SLC7A2: variants seen among roughly 807,000 people sequenced by gnomAD.
SLC7A2 encodes solute carrier family 7 member 2.
A neutral mutation model predicts 58.9 loss-of-function variants in SLC7A2; 48 were observed. The observed-to-expected ratio is 0.82, with a 90% CI of 0.65 to 1.04. The LOEUF (loss-of-function observed/expected upper bound fraction) is 1.04, where lower values mean the gene tolerates loss of function less well. Among genes scored for constraint, SLC7A2 ranks in the 50% least tolerant of loss-of-function variants. The probability of loss-of-function intolerance (pLI) is 0.00; values close to 1 mark genes in which losing one functional copy is unlikely to be tolerated. For synonymous variants in SLC7A2, 363 were observed against 314.5 expected, an observed-to-expected ratio of 1.15 and a Z score of -1.63; for missense variants, 1,029 against 818.8, an observed-to-expected ratio of 1.26 and a Z score of -3.13.
At chr8:17,514,930 A>G (rs1038742085) in intron 2 of SLC7A2, among the ~76,000 whole-genome samples, 2 of 152,214 alleles carry the variant, frequency 1.3e-5, no homozygotes, top group South Asian at 4.1e-4. Context: ...GGCCAAGTGG[A>G]TAAAACAGCG....
In SLC7A2 at chr8:17,544,680, T is replaced by C. The variant is rs75100536; in HGVS notation, c.532+74T>C. 1.7e-4 allele frequency: 231 copies of C among 1,359,006 alleles called. 1 individual carries two copies. In the East Asian group the frequency reaches 5.3e-3, roughly 31 times the overall value. The allele number at this position is 1,359,006 out of a possible 1,614,324, so 84.2% of individuals were successfully genotyped here. A position where few individuals can be genotyped will look rare whatever the true frequency, so the allele number is the denominator to read the frequency against. ...CTCAGGAAAATAGGTTACTTCTGAATTTGGGGCCTGAGTTCCCAAGATGAG... is the reference window on the plus strand; with the variant it reads ...CTCAGGAAAATAGGTTACTTCTGAACTTGGGGCCTGAGTTCCCAAGATGAG... On this transcript the variant is annotated intron_variant, in intron 4 of 12. Coordinates refer to ENST00000494857, the MANE Select transcript of SLC7A2 (RefSeq NM_001370338.1).
intron 1 of SLC7A2, among the ~76,000 whole-genome samples, chr8:17,497,757 C>A (rs1299554323): frequency 6.6e-6 from 1 of 152,220 alleles, no homozygotes; most frequent in Non-Finnish European, 1.5e-5. Context: ...AGCCCCTTCA[C>A]ATTCTGCAGG....
intron 5 of SLC7A2, among the ~76,000 whole-genome samples, chr8:17,549,292 G>C (rs1209740254): frequency 1.3e-5 from 2 of 152,206 alleles, no homozygotes; most frequent in African/African-American, 4.8e-5. Flanking sequence ...TTCTAGAGCA[G>C]TGGTTCTCAA....
intron 2 of SLC7A2, among the ~76,000 whole-genome samples, chr8:17,543,076 C>G (rs1321500877): frequency 1.3e-5 from 2 of 152,132 alleles, no homozygotes; most frequent in East Asian, 3.9e-4. Flanking sequence ...ATTGCAGTCT[C>G]TTATAAGGGG....
At chr8:17,550,875 A>G (rs748617015) in intron 6 of SLC7A2, among the ~76,000 whole-genome samples, 1 of 152,192 alleles carries the variant, frequency 6.6e-6, no homozygotes, top group African/African-American at 2.4e-5. Flanking sequence ...ATACAACATC[A>G]TAATCATGCC....
chr8:17,507,406 G>A (rs999976374), intron 2 of SLC7A2, among the ~76,000 whole-genome samples: 1 of 152,052 alleles, frequency 6.6e-6, no homozygotes, highest in Non-Finnish European at 1.5e-5. Context: ...GGAGACGGGG[G>A]TCTCACTGTG....
chr8:17,561,077 A>G (rs1802956822), intron 10 of SLC7A2, among the ~76,000 whole-genome samples: 1 of 152,178 alleles, frequency 6.6e-6, no homozygotes, highest in Non-Finnish European at 1.5e-5. Flanking sequence ...GGCTTCTCAG[A>G]GCAAATAGGA....
chr8:17,509,029 G>A (rs2150661964), intron 2 of SLC7A2, among the ~76,000 whole-genome samples: 1 of 152,236 alleles, frequency 6.6e-6, no homozygotes, highest in South Asian at 2.1e-4. Flanking sequence ...GCAGGCGAAT[G>A]ATATTACTAA....
rs1424468543 is a variant in SLC7A2, at chr8:17,551,935, G to A, written c.1004G>A (p.Gly335Asp). The change falls in exon 7 of 13, where the codon GGT becomes GAT. Residue 335 changes from glycine to aspartate, a missense_variant. Physicochemically the swap from Gly to Asp is moderately conservative, Grantham distance 94. Coordinates refer to ENST00000494857, the MANE Select transcript of SLC7A2 (RefSeq NM_001370338.1). Reference protein sequence around the residue: ...LPVAFEYVGWGPAKYVVAAGS... With the variant: ...LPVAFEYVGWDPAKYVVAAGS... ...GTAGCGTTTGAATATGTGGGATGGGGTCCTGCCAAATATGTCGTCGCAGCT... is the reference window on the plus strand; with the variant it reads ...GTAGCGTTTGAATATGTGGGATGGGATCCTGCCAAATATGTCGTCGCAGCT... 2 of 1,614,024 alleles carry A rather than the reference G, an allele frequency of 1.2e-6. No individual in the cohort carries two copies. The highest frequency in any genetic ancestry group is 2.2e-5 in the South Asian group (2 of 91,074).
upstream of SLC7A2, among the ~76,000 whole-genome samples, chr8:17,495,128 T>C (rs902054159): frequency 4.6e-5 from 7 of 152,258 alleles, 1 homozygote; most frequent in Admixed American, 2.0e-4. Flanking sequence ...GGAATCTCTA[T>C]TTTTTTATTT....
At chr8:17,500,576 A>C (rs1160897973) in intron 1 of SLC7A2, 1 of 152,252 alleles carries the variant, frequency 6.6e-6, no homozygotes, top group African/African-American at 2.4e-5. Flanking sequence ...CTATGTAACA[A>C]ACCTGTGTGT....
In SLC7A2 at chr8:17,524,864, GTTC is replaced by G. The variant is rs201359872; in HGVS notation, c.-22-18451_-22-18449del. On this transcript the variant is annotated intron_variant, in intron 2 of 12. Transcript: ENST00000494857. ...AGAGCCAGTGTGCAATCAGGAGCAAGTTCTTAGCATACTTGATGAATTTCCCTG... is the reference window on the plus strand; with the variant it reads ...AGAGCCAGTGTGCAATCAGGAGCAAGTTAGCATACTTGATGAATTTCCCTG... Among the ~76,000 whole-genome samples, 1,182 of 152,102 alleles carry G rather than the reference GTTC, an allele frequency of 7.8e-3. 13 individuals are homozygous for G. The highest frequency in any genetic ancestry group is 0.027 in the African/African-American group (1,121 of 41,482).
intron 2 of SLC7A2, among the ~76,000 whole-genome samples, chr8:17,516,645 G>A (rs1800815151): frequency 1.3e-5 from 2 of 152,188 alleles, no homozygotes; most frequent in Admixed American, 1.3e-4. Context: ...TTGGGCCACA[G>A]CTGTACCCTT....
At chr8:17,510,665 C>CT (rs1800567238) in intron 2 of SLC7A2, 1 of 152,126 alleles carries the variant, frequency 6.6e-6, no homozygotes, top group African/African-American at 2.4e-5. Context: ...CTTTTGCCCG[C>CT]TTTTTGATGG....
chr8:17,497,960 T>C (rs926067252), intron 1 of SLC7A2, among the ~76,000 whole-genome samples: 2 of 152,202 alleles, frequency 1.3e-5, no homozygotes, highest in African/African-American at 4.8e-5. Flanking sequence ...TTTCATCCTC[T>C]TTTGACGCTT....
chr8:17,528,296 G>A (rs1426569951), intron 2 of SLC7A2, among the ~76,000 whole-genome samples: 2 of 152,180 alleles, frequency 1.3e-5, no homozygotes, highest in East Asian at 3.9e-4. Context: ...CTTTATATTT[G>A]CCTCCCTACA....
At chr8:17,498,817 T>A (rs1345568963) in intron 1 of SLC7A2, 1 of 152,198 alleles carries the variant, frequency 6.6e-6, no homozygotes, top group Admixed American at 6.5e-5. Flanking sequence ...CCAGAATCTC[T>A]GATCATTCCA....
chr8:17,523,960 C>T (rs1046745695), intron 2 of SLC7A2, among the ~76,000 whole-genome samples: 2 of 151,992 alleles, frequency 1.3e-5, no homozygotes, highest in African/African-American at 4.8e-5. Flanking sequence ...ATAGACAATT[C>T]TCAAAAGAAG....
At chr8:17,564,592 A>T (rs1046362988) in intron 12 of SLC7A2, among the ~76,000 whole-genome samples, 2 of 152,154 alleles carry the variant, frequency 1.3e-5, no homozygotes, top group African/African-American at 4.8e-5. Context: ...ATCATCAGGC[A>T]TTAGTTAGAT....
Sources: allele counts gnomAD v4.1 joint callset (sites outside exome capture counted in the v4.1 genomes callset), GRCh38; gene constraint gnomAD v4.1.1; transcripts MANE v1.5; gene names NCBI Gene and HGNC (gene_info 2026-07-23, HGNC 2026-07-21).